Variants in CADM2 observed in about 807,000 individuals in gnomAD.
CADM2 encodes the protein immunoglobulin superfamily member 4D.
In CADM2, 12 loss-of-function variants were observed where a neutral mutation model predicts 49.8. The observed-to-expected ratio is 0.24, with a 90% CI of 0.15 to 0.39. The LOEUF (loss-of-function observed/expected upper bound fraction) is 0.39, where lower values mean the gene tolerates loss of function less well. Ranked by LOEUF, CADM2 falls within the 10% of genes least tolerant of loss-of-function variation. The probability of loss-of-function intolerance (pLI) is 1.00; values close to 1 mark genes in which losing one functional copy is unlikely to be tolerated. For missense variants in CADM2, 378 were observed against 492.3 expected (o/e 0.77, Z 2.20); for synonymous variants, 214 against 175.4 (o/e 1.22, Z -1.74).
intron 8 of CADM2, among the ~76,000 whole-genome samples, chr3:85,984,944 A>G (rs1341361223): frequency 6.6e-6 from 1 of 151,982 alleles, no homozygotes; most frequent in Non-Finnish European, 1.5e-5. Flanking sequence ...GGTACGGCAC[A>G]CAGGAAAAAA....
At chr3:85,981,726 T>A (rs1413883700) in intron 8 of CADM2, among the ~76,000 whole-genome samples, 1 of 151,784 alleles carries the variant, frequency 6.6e-6, no homozygotes, top group Non-Finnish European at 1.5e-5. Flanking sequence ...CTAATGCATA[T>A]GTACCACATT....
chr3:85,004,344 A>T (rs189138588), intron 1 of CADM2, among the ~76,000 whole-genome samples: 1 of 152,200 alleles, frequency 6.6e-6, no homozygotes, highest in East Asian at 1.9e-4. Flanking sequence ...ACCTAAGCTG[A>T]CTCAGCATTC....
intron 3 of CADM2, among the ~76,000 whole-genome samples, chr3:85,881,302 T>C (rs2108384261): frequency 6.6e-6 from 1 of 152,202 alleles, no homozygotes; most frequent in African/African-American, 2.4e-5. Flanking sequence ...GTCAAGATCA[T>C]TAGTAATTGC....
At chr3:85,997,892 A>G (rs1200233204) in intron 8 of CADM2, among the ~76,000 whole-genome samples, 1 of 152,168 alleles carries the variant, frequency 6.6e-6, no homozygotes, top group Non-Finnish European at 1.5e-5. Context: ...TATATCAAAA[A>G]ATTCAGTGAA....
Position 85,615,903 on chromosome 3 carries a change from A to G in CADM2, c.62-110619A>G, listed in dbSNP as rs564506581. On this transcript the variant is annotated intron_variant, in intron 1 of 9. Coordinates refer to ENST00000383699, the MANE Select transcript of CADM2 (RefSeq NM_001167675.2). ...CCATTTCATTTCAGATCTTGTAAAA[A>G]GAGACTGTACTCTGAATAACAATTT... is the stretch of plus-strand genomic sequence containing the variant. Among the ~76,000 whole-genome samples, 23 of 152,080 alleles carry G rather than the reference A, an allele frequency of 1.5e-4. 1 individual carries two copies. Among genetic ancestry groups the G allele is most frequent in the South Asian group, 2.1e-4 (1 of 4,826 alleles).
intron 1 of CADM2, among the ~76,000 whole-genome samples, chr3:85,141,518 T>C (rs2039576044): frequency 6.6e-6 from 1 of 152,206 alleles, no homozygotes; most frequent in Non-Finnish European, 1.5e-5. Context: ...ACTGATATAC[T>C]TTGACCAAAA....
chr3:85,713,224 A>G (rs2067170794), intron 1 of CADM2, among the ~76,000 whole-genome samples: 1 of 152,120 alleles, frequency 6.6e-6, no homozygotes, highest in South Asian at 2.1e-4. Context: ...CAGCCTCCCA[A>G]GTAGCTGGGA....
chr3:85,703,652 A>T (rs2066851480), intron 1 of CADM2, among the ~76,000 whole-genome samples: 1 of 152,210 alleles, frequency 6.6e-6, no homozygotes, highest in South Asian at 2.1e-4. Flanking sequence ...TTAATTAAAC[A>T]TAAAACCTAG....
At chr3:85,191,022 G>A (rs2041195039) in intron 1 of CADM2, among the ~76,000 whole-genome samples, 1 of 151,818 alleles carries the variant, frequency 6.6e-6, no homozygotes, top group Non-Finnish European at 1.5e-5. Flanking sequence ...AAAAGGAATG[G>A]GTGTAGTTCA....
intron 3 of CADM2, among the ~76,000 whole-genome samples, chr3:85,808,791 A>T (rs1163798950): frequency 6.6e-6 from 1 of 152,218 alleles, no homozygotes; most frequent in Admixed American, 6.5e-5. Context: ...GCTTTAAATC[A>T]TTGGTGTTAA....
intron 3 of CADM2, among the ~76,000 whole-genome samples, chr3:85,824,264 G>A (rs1447589993): frequency 6.6e-6 from 1 of 152,158 alleles, no homozygotes; most frequent in East Asian, 1.9e-4. Context: ...CCTTGGTGGT[G>A]CAAGGATACT....
chr3:85,103,328 G>A (rs2038081357), intron 1 of CADM2, among the ~76,000 whole-genome samples: 1 of 151,986 alleles, frequency 6.6e-6, no homozygotes, highest in Non-Finnish European at 1.5e-5. Context: ...AAAATTTAGT[G>A]TAACCATAAA....
In CADM2 at chr3:85,568,553, CTTTCTT is replaced by C. The variant is rs752039021; in HGVS notation, c.62-157967_62-157962del. Reference sequence around the variant, plus strand: ...CTCTCTCTTTTCTTTCTTTCTTTCTCTTTCTTTCTTTTCCTTCCTTCCTTCTTTCTT... The same window carrying C: ...CTCTCTCTTTTCTTTCTTTCTTTCTCTCTTTTCCTTCCTTCCTTCTTTCTT... On this transcript the variant is annotated intron_variant, in intron 1 of 9. Coordinates refer to ENST00000383699, the MANE Select transcript of CADM2 (RefSeq NM_001167675.2). Among the ~76,000 whole-genome samples, 730 of 137,822 alleles carry C rather than the reference CTTTCTT, an allele frequency of 5.3e-3. 33 individuals carry two copies. In the East Asian group the frequency reaches 0.086, roughly 16 times the overall value. 90.4% of individuals were successfully genotyped at this position (137,822 alleles called of 152,430 possible).
chr3:84,959,653 G>T lies in CADM2; in HGVS notation c.46G>T (p.Gly16Trp). The T allele has an allele frequency of 6.5e-7, 1 of 1,536,988 alleles. No individual in the cohort carries two copies. Among genetic ancestry groups the T allele is most frequent in the Non-Finnish European group, 8.7e-7 (1 of 1,146,864 alleles). Residue 16 changes from glycine to tryptophan, a missense_variant, in exon 1 of 10, where the codon GGG becomes TGG. Coordinates refer to ENST00000383699, the MANE Select transcript of CADM2 (RefSeq NM_001167675.2). ...CGTTCTCCGCTTCTACAGTGTCTGCGGGCTCCTGCTACAAGGTAATCCCCG... is the reference window on the plus strand; with the variant it reads ...CGTTCTCCGCTTCTACAGTGTCTGCTGGCTCCTGCTACAAGGTAATCCCCG... ...SAVLRFYSVC[G>W]LLLQAAASKN...
intron 1 of CADM2, among the ~76,000 whole-genome samples, chr3:85,555,773 C>T (rs17518584): frequency 0.51 from 77,909 of 151,874 alleles, 23,054 homozygotes; most frequent in East Asian, 0.85. Flanking sequence ...AAAGGCTTCA[C>T]GCTTTGTCAT....
chr3:85,782,383 C>T (rs1462673557), intron 2 of CADM2, among the ~76,000 whole-genome samples: 1 of 152,042 alleles, frequency 6.6e-6, no homozygotes, highest in Non-Finnish European at 1.5e-5. Context: ...CTAAGAAATA[C>T]ACTCCATTTC....
chr3:85,793,431 A>C (rs2071451471), intron 2 of CADM2, among the ~76,000 whole-genome samples: 4 of 152,162 alleles, frequency 2.6e-5, no homozygotes, highest in African/African-American at 9.7e-5. Context: ...TGTGGGTACG[A>C]ATGGGGAAAA....
intron 1 of CADM2, among the ~76,000 whole-genome samples, chr3:85,162,133 G>A (rs1399342513): frequency 1.3e-5 from 2 of 152,158 alleles, no homozygotes; most frequent in African/African-American, 4.8e-5. Context: ...TAACTGCTAG[G>A]CATTTAGCAG....
rs1388374353 is a variant in CADM2 at position 85,052,888 on chromosome 3, G to T, written c.61+93220G>T. On this transcript the variant is annotated intron_variant, in intron 1 of 9. Transcript: ENST00000383699. The stretch of plus-strand genomic sequence containing the variant: ...ATGAATTAGTGCTGCATTATATGTG[G>T]TGACAAATTTTCTTGTTTGTTCTAA... 3.3e-5 allele frequency among the ~76,000 whole-genome samples: 5 copies of T among 152,020 alleles called. No homozygotes were observed. The East Asian group carries it at 7.8e-4, about 24-fold the overall frequency.
Sources: gnomAD v4.1 joint callset for allele counts (sites outside exome capture counted in the v4.1 genomes callset) on GRCh38, gnomAD v4.1.1 for gene constraint, MANE v1.5 for transcripts, NCBI Gene and HGNC (gene_info 2026-07-23, HGNC 2026-07-21) for gene names.